Variants in DNAJC5 observed in about 807,000 individuals in gnomAD.
The protein encoded by DNAJC5 is DnaJ heat shock protein family (Hsp40) member C5.
Under a neutral mutation model 23.2 loss-of-function variants are expected in DNAJC5, and 1 was observed. The ratio of observed to expected loss-of-function variants is 0.04; its 90% confidence interval spans 0.02 to 0.20. The LOEUF (loss-of-function observed/expected upper bound fraction) is 0.20, where lower values mean the gene tolerates loss of function less well. Ranked by LOEUF, DNAJC5 falls within the 10% of genes least tolerant of loss-of-function variation. The pLI is 1.00. For missense variants in DNAJC5, 180 were observed against 267.0 expected (o/e 0.67, Z 2.27); for synonymous variants, 136 against 120.0 (o/e 1.13, Z -0.87).
At chr20:63,927,056 C>T (rs932108639) in intron 1 of DNAJC5, among the ~76,000 whole-genome samples, 9 of 152,194 alleles carry the variant, frequency 5.9e-5, no homozygotes, top group African/African-American at 2.2e-4. Flanking sequence ...AGGGATAGTG[C>T]TGTGTGTGAC....
At position 63,934,858 on chromosome 20, in the gene DNAJC5, G is replaced by C. The variant is rs1207257276; in HGVS notation, c.*3290G>C. 1 of 152,282 alleles carries C rather than the reference G, an allele frequency of 6.6e-6. No homozygotes were observed. Among genetic ancestry groups the C allele is most frequent in the Non-Finnish European group, 1.5e-5 (1 of 68,078 alleles). The allele number at this position is 152,282 out of a possible 1,614,324, so 9.4% of individuals were successfully genotyped here. ...CTCTCAGGCGTTCTGTTCCGGGCGA[G>C]GCTTGTGCTGCAAGGAAGGGCACCA... is the stretch of plus-strand genomic sequence containing the variant. On this transcript the variant is annotated 3_prime_UTR_variant, in exon 5 of 5. Transcript: ENST00000360864.
rs541144882 is a variant in DNAJC5 at position 63,928,757 on chromosome 20, A to G, written c.107+305A>G. On this transcript the variant is annotated intron_variant, in intron 2 of 4. Coordinates refer to ENST00000360864, the MANE Select transcript of DNAJC5 (RefSeq NM_025219.3). This position sits in a 1 kb window ranked among gnomAD's most constrained non-coding sequence, Gnocchi z 4.6. ...CTCACAGGAGCCGCAGAGCGCTGGC[A>G]TGGTCCTGTGGTCTCCTTGTTTTAG... Among the ~76,000 whole-genome samples the G allele has an allele frequency of 2.8e-4, 43 of 152,304 alleles. No homozygotes were observed. The highest frequency in any genetic ancestry group is 9.9e-4 in the African/African-American group (41 of 41,564).
rs908853733 is a variant in DNAJC5 at position 63,935,945 on chromosome 20, G to T, written c.*4377G>T. 17 of 152,152 alleles carry T rather than the reference G, an allele frequency of 1.1e-4. No individual in the cohort carries two copies. Among genetic ancestry groups the T allele is most frequent in the African/African-American group, 4.1e-4 (17 of 41,432 alleles). 9.4% of individuals were successfully genotyped at this position (152,152 alleles called of 1,614,324 possible). A position where few individuals can be genotyped will look rare whatever the true frequency, so the allele number is the denominator to read the frequency against. ...CACATCTAAGGGCCAGGCTGGTTCCGCATGGTGATCTCCGTCTTGTATGTC... is the reference window on the plus strand; with the variant it reads ...CACATCTAAGGGCCAGGCTGGTTCCTCATGGTGATCTCCGTCTTGTATGTC... On this transcript the variant is annotated 3_prime_UTR_variant, in exon 5 of 5. Coordinates refer to ENST00000360864, the MANE Select transcript of DNAJC5 (RefSeq NM_025219.3).
At position 63,930,845 on chromosome 20, in the gene DNAJC5, C is replaced by T. The variant is rs564523958; in HGVS notation, c.322-6C>T. On this transcript the variant is annotated splice_region_variant and splice_polypyrimidine_tract_variant and intron_variant, in intron 3 of 4. Coordinates refer to ENST00000360864, the MANE Select transcript of DNAJC5 (RefSeq NM_025219.3). ...GCCATGCAACACCACCTTCTTCTCC[C>T]CCCAGGCCCTGTTTGTCTTCTGCGG... The T allele has an allele frequency of 6.2e-7, 1 of 1,612,332 alleles. No homozygotes were observed. The highest frequency in any genetic ancestry group is 1.3e-5 in the African/African-American group (1 of 75,008).
intron 1 of DNAJC5, among the ~76,000 whole-genome samples, chr20:63,899,053 A>G (rs1306745522): frequency 6.6e-6 from 1 of 152,192 alleles, no homozygotes; most frequent in African/African-American, 2.4e-5. Context: ...ATCAGGGCTC[A>G]CGTGACTGGG....
intron 1 of DNAJC5, among the ~76,000 whole-genome samples, chr20:63,902,312 C>T (rs1003263618): frequency 1.1e-4 from 16 of 151,112 alleles, no homozygotes; most frequent in African/African-American, 2.9e-4. Flanking sequence ...GCTCGGCCTC[C>T]GAAAGTGCTG....
chr20:63,899,881 T>C (rs1460362185), intron 1 of DNAJC5, among the ~76,000 whole-genome samples: 4,542 of 114,716 alleles, frequency 0.04, 212 homozygotes, highest in African/African-American at 0.085. Context: ...GCGCCTGGGC[T>C]TTTTTTTTTT....
chr20:63,913,848 G>A lies in DNAJC5; in HGVS notation c.-11-14487G>A, dbSNP rs1234146988. 2.6e-5 allele frequency among the ~76,000 whole-genome samples: 4 copies of A among 152,210 alleles called. No individual in the cohort carries two copies. The East Asian group carries it at 7.7e-4, about 29-fold the overall frequency. On this transcript the variant is annotated intron_variant, in intron 1 of 4. Coordinates refer to ENST00000360864, the MANE Select transcript of DNAJC5 (RefSeq NM_025219.3). ...CCCACCTTGGCCTCCCAAAGTGCTGGGATTGCAGGCGTGAGCCACCGCGCC... is the reference window on the plus strand; with the variant it reads ...CCCACCTTGGCCTCCCAAAGTGCTGAGATTGCAGGCGTGAGCCACCGCGCC...
chr20:63,909,935 TGAA>T (rs889563985), intron 1 of DNAJC5, among the ~76,000 whole-genome samples: 12 of 152,356 alleles, frequency 7.9e-5, no homozygotes, highest in African/African-American at 2.9e-4. Flanking sequence ...ACTGATCTTA[TGAA>T]GAACACTTGT....
chr20:63,922,957 A>G (rs2053584117), intron 1 of DNAJC5, among the ~76,000 whole-genome samples: 1 of 151,688 alleles, frequency 6.6e-6, no homozygotes, highest in Admixed American at 6.6e-5. Context: ...CCTAGCCAAC[A>G]TGGCAAAACC....
intron 1 of DNAJC5, among the ~76,000 whole-genome samples, chr20:63,917,765 C>G (rs2053525248): frequency 6.6e-6 from 1 of 152,096 alleles, no homozygotes; most frequent in Admixed American, 6.6e-5. Flanking sequence ...CCATGTTGAC[C>G]AGGCTGGTCT....
intron 1 of DNAJC5, among the ~76,000 whole-genome samples, chr20:63,921,540 G>A (rs1600877045): frequency 2.7e-5 from 4 of 150,360 alleles, no homozygotes; most frequent in South Asian, 2.1e-4. Context: ...GCAGCAAGCC[G>A]AGATAGTGCC....
In DNAJC5 at chr20:63,933,274, GTT is replaced by G. The variant is rs2146312095; in HGVS notation, c.*1707_*1708del. On this transcript the variant is annotated 3_prime_UTR_variant, in exon 5 of 5. Coordinates refer to ENST00000360864, the MANE Select transcript of DNAJC5 (RefSeq NM_025219.3). ...CACCCGAGGCTGTGCAGAAGGGTAG[GTT>G]CAGGTTGACCAGGAAGCTGCCAAAA... The G allele has an allele frequency of 6.6e-6, 1 of 152,550 alleles. No homozygotes were observed. The highest frequency in any genetic ancestry group is 6.5e-5 in the Admixed American group (1 of 15,298). The allele number at this position is 152,550 out of a possible 1,614,324, so 9.4% of individuals were successfully genotyped here. A position where few individuals can be genotyped will look rare whatever the true frequency, so the allele number is the denominator to read the frequency against.
chr20:63,906,181 T>C (rs1190323279), intron 1 of DNAJC5, among the ~76,000 whole-genome samples: 1 of 152,170 alleles, frequency 6.6e-6, no homozygotes, highest in Non-Finnish European at 1.5e-5. Context: ...TATGTACTTA[T>C]TTTACTTTTA....
At position 63,928,495 on chromosome 20, in the gene DNAJC5, C is replaced by A; in HGVS notation, c.107+43C>A. ...GCCCCCACATCCCCCCAGGAAGACA[C>A]ACATGCCCCGTGTGGTTTAGTCTGC... On this transcript the variant is annotated intron_variant, in intron 2 of 4. Transcript: ENST00000360864. The surrounding 1 kb of genome is among the most constrained non-coding windows in gnomAD (Gnocchi z 4.6). 2 of 1,513,734 alleles carry A rather than the reference C, an allele frequency of 1.3e-6. No individual in the cohort carries two copies. The highest frequency in any genetic ancestry group is 1.1e-5 in the South Asian group (1 of 89,024). 93.8% of individuals were successfully genotyped at this position (1,513,734 alleles called of 1,614,324 possible). A position where few individuals can be genotyped will look rare whatever the true frequency, so the allele number is the denominator to read the frequency against.
At chr20:63,925,370 T>G (rs2053603882) in intron 1 of DNAJC5, among the ~76,000 whole-genome samples, 1 of 151,994 alleles carries the variant, frequency 6.6e-6, no homozygotes, top group African/African-American at 2.4e-5. Context: ...GTAGTCCCAG[T>G]GACTTGGGAG....
intron 1 of DNAJC5, among the ~76,000 whole-genome samples, chr20:63,898,874 A>G (rs1183434345): frequency 2.0e-5 from 3 of 152,196 alleles, no homozygotes; most frequent in Non-Finnish European, 4.4e-5. Flanking sequence ...CAGTGCTTCT[A>G]AGGTGAGACT....
At position 63,928,297 on chromosome 20, in the gene DNAJC5, T is replaced by C. The variant is rs772073679; in HGVS notation, c.-11-38T>C. On this transcript the variant is annotated intron_variant, in intron 1 of 4. Coordinates refer to ENST00000360864, the MANE Select transcript of DNAJC5 (RefSeq NM_025219.3). The surrounding 1 kb of genome is among the most constrained non-coding windows in gnomAD (Gnocchi z 4.6). ...CAGCTCTGCCCTTGGTACTTTCATC[T>C]ATACTTTGTGATACTTTCTTTTTAT... 1.9e-6 allele frequency: 3 copies of C among 1,542,972 alleles called. No individual in the cohort carries two copies. The highest frequency in any genetic ancestry group is 3.3e-5 in the Admixed American group (2 of 59,882).
At chr20:63,921,252 C>T (rs982473601) in intron 1 of DNAJC5, among the ~76,000 whole-genome samples, 1 of 152,144 alleles carries the variant, frequency 6.6e-6, no homozygotes, top group Non-Finnish European at 1.5e-5. Context: ...AGCCACCGTG[C>T]CCGGCCACCT....
Sources: gnomAD v4.1 joint callset for allele counts (sites outside exome capture counted in the v4.1 genomes callset) on GRCh38, gnomAD v4.1.1 for gene constraint, Gnocchi (gnomAD v3.1) non-coding constraint, MANE v1.5 for transcripts, NCBI Gene and HGNC (gene_info 2026-07-23, HGNC 2026-07-21) for gene names.